Variants in FAT3 observed in about 807,000 individuals in gnomAD.
The protein encoded by FAT3 is protocadherin Fat 3.
Under a neutral mutation model 310.2 loss-of-function variants are expected in FAT3, and 95 were observed. That is an observed-to-expected ratio of 0.31 (90% confidence interval 0.26 to 0.36). The LOEUF (loss-of-function observed/expected upper bound fraction) is 0.36. Ranked by LOEUF, FAT3 falls within the 10% of genes least tolerant of loss-of-function variation. The pLI is 1.00. For missense variants in FAT3, 5,408 were observed against 5,715.6 expected (o/e 0.95, Z 1.74); for synonymous variants, 2,314 against 2,192.9 (o/e 1.06, Z -1.54).
At chr11:92,804,779 A>G (rs1947456678) in intron 10 of FAT3, among the ~76,000 whole-genome samples, 1 of 152,210 alleles carries the variant, frequency 6.6e-6, no homozygotes, top group Non-Finnish European at 1.5e-5. Flanking sequence ...TCTTGGTAAC[A>G]AGAGCTAGAG....
intron 3 of FAT3, among the ~76,000 whole-genome samples, chr11:92,614,083 T>G (rs1423210881): frequency 6.6e-6 from 1 of 152,170 alleles, no homozygotes; most frequent in African/African-American, 2.4e-5. Flanking sequence ...TATTTCATTC[T>G]TTCATATTGT....
In FAT3 at chr11:92,306,593, ATATATTATATATT is replaced by A. The variant is rs1267306477; in HGVS notation, c.-17-45479_-17-45467del. On this transcript the variant is annotated intron_variant, in intron 1 of 27. Transcript: ENST00000525166. ...TATATATTATATATATTTATATTATATATATTATATATTTATATTATATATTTATATTATATTT... is the reference window on the plus strand; with the variant it reads ...TATATATTATATATATTTATATTATATATATTATATATTTATATTATATTT... Among the ~76,000 whole-genome samples, 372 of 127,434 alleles carry A rather than the reference ATATATTATATATT, an allele frequency of 2.9e-3. 1 individual carries two copies. The highest frequency in any genetic ancestry group is 9.4e-3 in the African/African-American group (317 of 33,562). The allele number at this position is 127,434 out of a possible 152,430, so 83.6% of individuals were successfully genotyped here.
chr11:92,726,605 T>A (rs992478562), intron 4 of FAT3, among the ~76,000 whole-genome samples: 39 of 152,078 alleles, frequency 2.6e-4, no homozygotes, highest in Admixed American at 1.0e-3. Flanking sequence ...ACACGTGACA[T>A]GATAAAATTT....
chr11:92,370,505 C>T (rs778965221), intron 2 of FAT3, among the ~76,000 whole-genome samples: 3 of 152,168 alleles, frequency 2.0e-5, no homozygotes, highest in Non-Finnish European at 2.9e-5. Flanking sequence ...GTATTTCTTT[C>T]TTACACCTTG....
chr11:92,838,465 CG>C (rs1015989560), intron 17 of FAT3, among the ~76,000 whole-genome samples: 5 of 152,114 alleles, frequency 3.3e-5, no homozygotes, highest in African/African-American at 1.2e-4. Flanking sequence ...TTTTATTCCA[CG>C]GGCACAGTGC....
intron 3 of FAT3, among the ~76,000 whole-genome samples, chr11:92,642,444 G>T (rs1175823746): frequency 6.6e-6 from 1 of 152,108 alleles, no homozygotes; most frequent in African/African-American, 2.4e-5. Context: ...TTATTTTCTG[G>T]GCCCCACACA....
intron 3 of FAT3, among the ~76,000 whole-genome samples, chr11:92,548,266 C>A (rs528127943): frequency 1.3e-5 from 2 of 152,250 alleles, no homozygotes; most frequent in East Asian, 1.9e-4. Flanking sequence ...GGATTTTATA[C>A]TGTCGTATCA....
intron 2 of FAT3, among the ~76,000 whole-genome samples, chr11:92,508,869 A>G (rs2135301634): frequency 6.6e-6 from 1 of 152,286 alleles, no homozygotes; most frequent in South Asian, 2.1e-4. Flanking sequence ...ATCCACCTGA[A>G]AATGTTCTTG....
At chr11:92,285,425 C>A (rs1432067845) in intron 1 of FAT3, among the ~76,000 whole-genome samples, 1 of 152,074 alleles carries the variant, frequency 6.6e-6, no homozygotes, top group African/African-American at 2.4e-5. Context: ...ATATGCTGTG[C>A]AAGCTTTTAT....
intron 1 of FAT3, among the ~76,000 whole-genome samples, chr11:92,308,923 T>G (rs1191073547): frequency 6.6e-6 from 1 of 152,060 alleles, no homozygotes; most frequent in Admixed American, 6.6e-5. Context: ...GGCAGCTTAT[T>G]TCATATTGAT....
intron 3 of FAT3, among the ~76,000 whole-genome samples, chr11:92,663,375 A>T (rs1942850983): frequency 6.6e-6 from 1 of 152,190 alleles, no homozygotes; most frequent in Non-Finnish European, 1.5e-5. Context: ...ACCACAGGCA[A>T]TGGAGAAGCT....
At chr11:92,714,767 A>G (rs1292684850) in intron 4 of FAT3, among the ~76,000 whole-genome samples, 9 of 152,140 alleles carry the variant, frequency 5.9e-5, no homozygotes, top group African/African-American at 1.9e-4. Flanking sequence ...TTTAATACCA[A>G]TAAAATCAAT....
intron 2 of FAT3, among the ~76,000 whole-genome samples, chr11:92,441,956 G>A (rs895887498): frequency 6.6e-6 from 1 of 151,138 alleles, no homozygotes; most frequent in Non-Finnish European, 1.5e-5. Flanking sequence ...ACACGTTCAC[G>A]ACTCAGGAGC....
intron 4 of FAT3, among the ~76,000 whole-genome samples, chr11:92,722,763 T>A (rs982433965): frequency 6.6e-6 from 1 of 152,174 alleles, no homozygotes; most frequent in Admixed American, 6.5e-5. Flanking sequence ...ACAGGCTCAA[T>A]ACCACATGGA....
chr11:92,539,185 TATTC>T (rs1238927701), intron 3 of FAT3, among the ~76,000 whole-genome samples: 7 of 152,206 alleles, frequency 4.6e-5, no homozygotes, highest in African/African-American at 1.7e-4. Flanking sequence ...GAAGAAATGA[TATTC>T]ATGCCCGGGA....
chr11:92,315,662 T>C (rs1195606602), intron 1 of FAT3, among the ~76,000 whole-genome samples: 1 of 151,192 alleles, frequency 6.6e-6, no homozygotes, highest in Non-Finnish European at 1.5e-5. Context: ...TAGCGGGGAC[T>C]ACAGACATGC....
intron 1 of FAT3, among the ~76,000 whole-genome samples, chr11:92,305,447 G>A (rs1264988221): frequency 2.0e-5 from 3 of 152,046 alleles, no homozygotes; most frequent in Admixed American, 1.3e-4. Context: ...GAAAATAGTA[G>A]GTGAAAAGTA....
chr11:92,862,816 C>A (rs559745074), intron 21 of FAT3, among the ~76,000 whole-genome samples: 15 of 152,280 alleles, frequency 9.9e-5, no homozygotes, highest in Admixed American at 2.6e-4. Flanking sequence ...GACTCTCATT[C>A]CCCTTGCATG....
At chr11:92,779,222 T>A (rs896440933) in intron 7 of FAT3, among the ~76,000 whole-genome samples, 2 of 152,148 alleles carry the variant, frequency 1.3e-5, no homozygotes, top group African/African-American at 4.8e-5. Flanking sequence ...GATGGGGTTA[T>A]CGTCCCTCCA....
Sources: allele counts gnomAD v4.1 joint callset (sites outside exome capture counted in the v4.1 genomes callset), GRCh38; gene constraint gnomAD v4.1.1; transcripts MANE v1.5; gene names NCBI Gene and HGNC (gene_info 2026-07-23, HGNC 2026-07-21).